The following LRRC4C variants were observed in gnomAD, a reference collection of about 807,000 sequenced individuals.
The protein encoded by LRRC4C is leucine rich repeat containing 4C, also known as leucine-rich repeat-containing protein 4C.
Under a neutral mutation model 33.6 loss-of-function variants are expected in LRRC4C, and 5 were observed. That is an observed-to-expected ratio of 0.15 (90% CI 0.08 to 0.31). LRRC4C has a LOEUF of 0.31. Among genes scored for constraint, LRRC4C ranks in the 10% least tolerant of loss-of-function variants. LRRC4C has a pLI of 1.00. For synonymous variants in LRRC4C, 329 were observed against 302.0 expected, an observed-to-expected ratio of 1.09 and a Z score of -0.93; for missense variants, 560 against 796.7, an observed-to-expected ratio of 0.70 and a Z score of 3.58.
At chr11:40,949,456 C>A (rs1290515694) in intron 1 of LRRC4C, among the ~76,000 whole-genome samples, 1 of 151,972 alleles carries the variant, frequency 6.6e-6, no homozygotes, top group Admixed American at 6.6e-5. Context: ...ATGTTAAGGG[C>A]AGCCAGAGAG....
At chr11:40,856,151 T>C (rs1231806665) in intron 2 of LRRC4C, among the ~76,000 whole-genome samples, 2 of 152,174 alleles carry the variant, frequency 1.3e-5, no homozygotes, top group East Asian at 1.9e-4. Context: ...TCCATTACTG[T>C]ATGAAAAAAC....
At chr11:40,837,346 C>A (rs1952717743) in intron 2 of LRRC4C, among the ~76,000 whole-genome samples, 1 of 151,858 alleles carries the variant, frequency 6.6e-6, no homozygotes. Flanking sequence ...TTGCATAATG[C>A]TTATTTAGAG....
chr11:41,373,293 G>A (rs74458737), intron 1 of LRRC4C, among the ~76,000 whole-genome samples: 57 of 152,004 alleles, frequency 3.7e-4, no homozygotes, highest in African/African-American at 8.0e-4. Flanking sequence ...AAATAACTAC[G>A]TTTAGTTGTG....
intron 2 of LRRC4C, among the ~76,000 whole-genome samples, chr11:40,690,854 A>C (rs1945189707): frequency 6.6e-6 from 1 of 152,192 alleles, no homozygotes; most frequent in East Asian, 1.9e-4. Flanking sequence ...GAATTTGTTC[A>C]AAGGATGCTG....
intron 2 of LRRC4C, among the ~76,000 whole-genome samples, chr11:40,894,718 T>C (rs1592018080): frequency 6.6e-6 from 1 of 152,224 alleles, no homozygotes; most frequent in East Asian, 1.9e-4. Context: ...CCATCACAGT[T>C]TCTGCCAATG....
intron 2 of LRRC4C, among the ~76,000 whole-genome samples, chr11:40,885,031 ATG>A (rs1356145677): frequency 6.6e-6 from 1 of 152,024 alleles, no homozygotes; most frequent in Non-Finnish European, 1.5e-5. Context: ...ACTGGGAACA[ATG>A]TACACTATTT....
chr11:41,425,267 G>GA (rs1175459067), intron 1 of LRRC4C, among the ~76,000 whole-genome samples: 2 of 152,170 alleles, frequency 1.3e-5, no homozygotes, highest in African/African-American at 4.8e-5. Flanking sequence ...CCGAACCTGA[G>GA]AAAGCAGGAG....
At chr11:41,390,217 T>C (rs1953535432) in intron 1 of LRRC4C, among the ~76,000 whole-genome samples, 1 of 151,808 alleles carries the variant, frequency 6.6e-6, no homozygotes, top group South Asian at 2.1e-4. Flanking sequence ...GCAAAGTGAG[T>C]GGTCTCTTTA....
At chr11:41,141,917 G>T (rs534651363) in intron 1 of LRRC4C, among the ~76,000 whole-genome samples, 4 of 151,836 alleles carry the variant, frequency 2.6e-5, no homozygotes, top group African/African-American at 9.7e-5. Flanking sequence ...TTAAATGCTG[G>T]TTATAAAAAA....
intron 3 of LRRC4C, among the ~76,000 whole-genome samples, chr11:40,574,501 A>G (rs951784509): frequency 3.3e-5 from 5 of 152,210 alleles, no homozygotes; most frequent in Non-Finnish European, 5.9e-5. Context: ...CTCCCATAAG[A>G]GTTACAGAGA....
In LRRC4C at chr11:40,259,538, G is replaced by A. The variant is rs1286240737; in HGVS notation, c.-175-17940C>T. Among the ~76,000 whole-genome samples the A allele has an allele frequency of 2.0e-5, 3 of 152,066 alleles. No homozygotes were observed. In the East Asian group the frequency reaches 5.8e-4, roughly 29 times the overall value. ...TAGGTTTTCTTCTAGGGTTTTTATG[G>A]TTTTAGGTCGAACGTTTAAGTCTTT... is the stretch of plus-strand genomic sequence containing the variant. On this transcript the variant is annotated intron_variant, in intron 4 of 6. Coordinates refer to ENST00000528697, the MANE Select transcript of LRRC4C (RefSeq NM_001258419.2).
chr11:40,782,603 A>T (rs1311440862), intron 2 of LRRC4C, among the ~76,000 whole-genome samples: 1 of 152,172 alleles, frequency 6.6e-6, no homozygotes, highest in Non-Finnish European at 1.5e-5. Context: ...GTACAAGCAT[A>T]AATTCAAAAA....
At chr11:40,982,727 A>G (rs1852632039) in intron 1 of LRRC4C, among the ~76,000 whole-genome samples, 1 of 152,060 alleles carries the variant, frequency 6.6e-6, no homozygotes, top group African/African-American at 2.4e-5. Flanking sequence ...CCACAGGTAA[A>G]CTTGTGTCAT....
At chr11:41,293,560 T>C (rs2137023889) in intron 1 of LRRC4C, among the ~76,000 whole-genome samples, 2 of 152,122 alleles carry the variant, frequency 1.3e-5, no homozygotes, top group East Asian at 3.9e-4. Flanking sequence ...ACTTCACTAA[T>C]CATGTTATTT....
chr11:40,924,554 G>GA (rs1183063370), intron 2 of LRRC4C, among the ~76,000 whole-genome samples: 1 of 151,960 alleles, frequency 6.6e-6, no homozygotes, highest in African/African-American at 2.4e-5. Context: ...CAGTTAGAGA[G>GA]AAAAAATAAG....
intron 5 of LRRC4C, among the ~76,000 whole-genome samples, chr11:40,152,768 C>G (rs1199950935): frequency 6.6e-6 from 1 of 152,134 alleles, no homozygotes; most frequent in Admixed American, 6.5e-5. Context: ...CCCCATCCCC[C>G]ACAGCAGCCA....
intron 3 of LRRC4C, among the ~76,000 whole-genome samples, chr11:40,541,436 G>T (rs567795412): frequency 6.6e-6 from 1 of 152,198 alleles, no homozygotes; most frequent in East Asian, 1.9e-4. Context: ...TTTCATAAAA[G>T]ATGGTAAAAG....
intron 1 of LRRC4C, among the ~76,000 whole-genome samples, chr11:41,100,422 C>G (rs1418650429): frequency 6.6e-6 from 1 of 151,954 alleles, no homozygotes; most frequent in African/African-American, 2.4e-5. Flanking sequence ...AAAAAAGTAG[C>G]TGGGAGTGGT....
At chr11:40,621,952 G>A (rs904506747) in intron 3 of LRRC4C, among the ~76,000 whole-genome samples, 1 of 151,790 alleles carries the variant, frequency 6.6e-6, no homozygotes, top group African/African-American at 2.4e-5. Flanking sequence ...CAACTGGGAT[G>A]GAGAGCTGGG....
Sources: allele counts gnomAD v4.1 joint callset (sites outside exome capture counted in the v4.1 genomes callset), GRCh38; gene constraint gnomAD v4.1.1; transcripts MANE v1.5; gene names NCBI Gene and HGNC (gene_info 2026-07-23, HGNC 2026-07-21).